ZNF445: variants seen among roughly 807,000 people sequenced by gnomAD.
ZNF445 encodes zinc finger protein 168.
In ZNF445, 19 loss-of-function variants were observed where a neutral mutation model predicts 93.9. That is an observed-to-expected ratio of 0.20 (90% confidence interval 0.14 to 0.30). ZNF445 has a LOEUF of 0.30. Among genes scored for constraint, ZNF445 ranks in the 10% least tolerant of loss-of-function variants. The pLI, the probability that ZNF445 is intolerant of heterozygous loss-of-function variation, is 1.00. For synonymous variants in ZNF445, 449 were observed against 446.3 expected (o/e 1.01, Z -0.08); for missense variants, 1,058 against 1,259.4 (o/e 0.84, Z 2.42).
rs1697660253 is a variant in ZNF445, at chr3:44,435,542, T to C, written c.*11033A>G. 2.0e-5 allele frequency: 3 copies of C among 152,246 alleles called. No individual in the cohort carries two copies. 9.4% of individuals were successfully genotyped at this position (152,246 alleles called of 1,614,324 possible). ...TGAGTAGGTGAGCTAAGTGGAGATG[T>C]GTTCCCGTCTTTGATGGTGGCACTA... On this transcript the variant is annotated 3_prime_UTR_variant, in exon 8 of 8. Coordinates refer to ENST00000396077, the MANE Select transcript of ZNF445 (RefSeq NM_181489.6).
In ZNF445 at chr3:44,433,995, GC is replaced by G. The variant is rs1050832659; in HGVS notation, c.*12579del. ...GAACTAGAGCTGAGACTCCCAGGCA[GC>G]CCCTTTGGAAAACAGTTTGGCATTT... is the stretch of plus-strand genomic sequence containing the variant. On this transcript the variant is annotated 3_prime_UTR_variant, in exon 8 of 8. Coordinates refer to ENST00000396077, the MANE Select transcript of ZNF445 (RefSeq NM_181489.6). 27 of 152,194 alleles carry G rather than the reference GC, an allele frequency of 1.8e-4. No homozygotes were observed. Among genetic ancestry groups the G allele is most frequent in the African/African-American group, 5.5e-4 (23 of 41,448 alleles). The allele number at this position is 152,194 out of a possible 1,614,324, so 9.4% of individuals were successfully genotyped here. A position where few individuals can be genotyped will look rare whatever the true frequency, so the allele number is the denominator to read the frequency against.
At chr3:44,469,729 A>G (rs1270185783) in intron 1 of ZNF445, among the ~76,000 whole-genome samples, 1 of 152,082 alleles carries the variant, frequency 6.6e-6, no homozygotes, top group African/African-American at 2.4e-5. Context: ...AGATCGTGCC[A>G]CTGCACTCCA....
chr3:44,455,418 C>T lies in ZNF445; in HGVS notation c.132G>A (p.Gln44=), dbSNP rs1698014385. 1 of 1,614,094 alleles carries T rather than the reference C, an allele frequency of 6.2e-7. No homozygotes were observed. The highest frequency in any genetic ancestry group is 8.5e-7 in the Non-Finnish European group (1 of 1,180,050). The part of the protein sequence containing the change: ...SYTPVQAARP[Q]TLNRPGQELF... ...GCTCCTGGCCAGGGCGGTTGAGAGT[C>T]TGTGGCCTGGCAGCCTGCACTGGAG... The change falls in exon 3 of 8, where the codon CAG becomes CAA. Residue 44 remains glutamine, a synonymous_variant. Coordinates refer to ENST00000396077, the MANE Select transcript of ZNF445 (RefSeq NM_181489.6).
intron 1 of ZNF445, among the ~76,000 whole-genome samples, chr3:44,460,185 C>T (rs764827800): frequency 8.5e-5 from 13 of 152,102 alleles, no homozygotes; most frequent in African/African-American, 1.9e-4. Flanking sequence ...AAAGTGAAAC[C>T]GCCTTTGCAA....
chr3:44,453,304 T>A (rs1174240406), intron 3 of ZNF445, among the ~76,000 whole-genome samples: 12 of 149,984 alleles, frequency 8.0e-5, no homozygotes, highest in East Asian at 2.0e-4. Flanking sequence ...TTTTTTTTAA[T>A]TTTTTTTTTA....
Position 44,448,148 on chromosome 3 carries a change from G to A in ZNF445, c.1523C>T (p.Thr508Ile). The change falls in exon 8 of 8, where the codon ACT becomes ATT. Residue 508 changes from threonine (T) to isoleucine (I), a missense_variant. Thr to Ile is a moderately conservative substitution (Grantham distance 89). Transcript: ENST00000396077. ...CCTACATTTAAATGCTTTCTCTTGA[G>A]TGTGAAGTCTCTGATGATACGCAAG... is the stretch of plus-strand genomic sequence containing the variant. ...SHLAYHQRLHTQEKAFKCRVC... is the reference protein window; with the variant it reads ...SHLAYHQRLHIQEKAFKCRVC... 1 of 1,614,160 alleles carries A rather than the reference G, an allele frequency of 6.2e-7. No individual in the cohort carries two copies. The highest frequency in any genetic ancestry group is 8.5e-7 in the Non-Finnish European group (1 of 1,180,032).
In ZNF445 at chr3:44,447,066, T is replaced by G; in HGVS notation, c.2605A>C (p.Lys869Gln). Reference sequence around the variant, plus strand: ...TAAGATTTCCCACATAGATTACATTTATAGCGCTTCTCTCCACTGTGTATT... The same window carrying G: ...TAAGATTTCCCACATAGATTACATTGATAGCGCTTCTCTCCACTGTGTATT... ...KGIHSGEKRY[K>Q]CNLCGKSYDR... Residue 869 changes from lysine to glutamine, a missense_variant, in exon 8 of 8, where the codon AAA becomes CAA. Physicochemically the swap from Lys to Gln is moderately conservative, Grantham distance 53. Coordinates refer to ENST00000396077, the MANE Select transcript of ZNF445 (RefSeq NM_181489.6). The surrounding 1 kb of genome is among the most constrained non-coding windows in gnomAD (Gnocchi z 4.7). The G allele has an allele frequency of 1.2e-6, 2 of 1,614,258 alleles. No individual in the cohort carries two copies. Among genetic ancestry groups the G allele is most frequent in the Non-Finnish European group, 1.7e-6 (2 of 1,180,044 alleles).
At chr3:44,477,490 CCGT>C (rs1698383988) in intron 1 of ZNF445, 98 bp downstream of exon 1, 1 of 152,160 alleles carries the variant, frequency 6.6e-6, no homozygotes, top group South Asian at 2.0e-4. Context: ...AGGCCGGGCC[CCGT>C]CCGCCGCCCG....
intron 1 of ZNF445, among the ~76,000 whole-genome samples, chr3:44,474,204 T>C (rs908722781): frequency 2.6e-5 from 4 of 152,178 alleles, no homozygotes; most frequent in East Asian, 3.9e-4. Flanking sequence ...TGCAACCAAA[T>C]TGAGGGACTT....
chr3:44,458,472 A>ATAATATATATATACACATAGG (rs1375216977), intron 1 of ZNF445, 108 bp from the exon 2 acceptor site: 1 of 152,144 alleles, frequency 6.6e-6, no homozygotes, highest in Non-Finnish European at 1.5e-5. Flanking sequence ...ATTGGTTTTT[A>ATAATATATATATACACATAGG]TCCATGGTTC....
intron 3 of ZNF445, among the ~76,000 whole-genome samples, chr3:44,453,205 C>G (rs1015135992): frequency 7.9e-5 from 12 of 151,966 alleles, no homozygotes; most frequent in Non-Finnish European, 1.5e-4. Context: ...GCCACCGCGC[C>G]AAGCTACAAC....
Position 44,475,536 on chromosome 3 carries a change from A to C in ZNF445, c.-269+2055T>G, listed in dbSNP as rs1295816607. On this transcript the variant is annotated intron_variant, in intron 1 of 7. Transcript: ENST00000396077. ...ATTAACTTGGTAAGTGGCTCTTAAAAATCGAGGACATTTAATACTGTCAAT... is the reference window on the plus strand; with the variant it reads ...ATTAACTTGGTAAGTGGCTCTTAAACATCGAGGACATTTAATACTGTCAAT... Among the ~76,000 whole-genome samples, 3 of 152,276 alleles carry C rather than the reference A, an allele frequency of 2.0e-5. No homozygotes were observed. In the East Asian group the frequency reaches 5.8e-4, roughly 29 times the overall value.
At chr3:44,473,453 TCACA>T (rs377305681) in intron 1 of ZNF445, among the ~76,000 whole-genome samples, 11,797 of 60,746 alleles carry the variant, frequency 0.19, 636 homozygotes, top group Middle Eastern at 0.23. Flanking sequence ...AAACTCCACT[TCACA>T]CACACACACA....
In ZNF445 at chr3:44,450,982, G is replaced by T; in HGVS notation, c.599-20C>A. ...GAGTATCTGAAGGAGAAAAAGCCAT[G>T]AGAGAGCGGCTCAGCTCTGGACAGC... is the stretch of plus-strand genomic sequence containing the variant. On this transcript the variant is annotated intron_variant, in intron 4 of 7. Transcript: ENST00000396077. 1 of 1,551,292 alleles carries T rather than the reference G, an allele frequency of 6.4e-7. No individual in the cohort carries two copies. The highest frequency in any genetic ancestry group is 8.7e-7 in the Non-Finnish European group (1 of 1,148,672).
Position 44,448,028 on chromosome 3 carries a change from T to C in ZNF445, c.1643A>G (p.Lys548Arg). ...VKPYKCDLCE[K>R]AFRRLSAYRL... ...GTAGGCTGACAGGCGTCGGAAAGCT[T>C]TCTCACATAAATCGCATTTATAAGG... The change falls in exon 8 of 8, where the codon AAA becomes AGA. Residue 548 changes from lysine (K) to arginine (R), a missense_variant. Physicochemically the swap from Lys to Arg is conservative, Grantham distance 26. Around this residue, in one of 3 missense-constraint regions of ZNF445, gnomAD observed 657 missense variants for 746.4 expected, o/e 0.88. Transcript: ENST00000396077. The C allele has an allele frequency of 6.2e-7, 1 of 1,611,646 alleles. No individual in the cohort carries two copies. Among genetic ancestry groups the C allele is most frequent in the Non-Finnish European group, 8.5e-7 (1 of 1,180,016 alleles).
At chr3:44,456,764 T>C (rs1173871851) in intron 2 of ZNF445, among the ~76,000 whole-genome samples, 3 of 152,152 alleles carry the variant, frequency 2.0e-5, no homozygotes, top group Non-Finnish European at 2.9e-5. Context: ...CAACAATGGG[T>C]TACAAATTAT....
chr3:44,472,207 C>G (rs1158611932), intron 1 of ZNF445, among the ~76,000 whole-genome samples: 1 of 152,172 alleles, frequency 6.6e-6, no homozygotes, highest in African/African-American at 2.4e-5. Flanking sequence ...AAGAAATGTA[C>G]CCAGTGAAAA....
chr3:44,462,461 C>A (rs936786140), intron 1 of ZNF445, among the ~76,000 whole-genome samples: 3 of 152,186 alleles, frequency 2.0e-5, no homozygotes, highest in Non-Finnish European at 4.4e-5. Flanking sequence ...ACAGTAGAAA[C>A]CGCTCATTGC....
intron 1 of ZNF445, among the ~76,000 whole-genome samples, chr3:44,473,453 T>TCTCACA (rs1491338197): frequency 3.3e-4 from 20 of 60,862 alleles, no homozygotes; most frequent in African/African-American, 1.6e-3. Context: ...AAACTCCACT[T>TCTCACA]CACACACACA....
Sources: allele counts gnomAD v4.1 joint callset (sites outside exome capture counted in the v4.1 genomes callset), GRCh38; gene constraint gnomAD v4.1.1; regional missense constraint gnomAD v4.1.1; non-coding constraint Gnocchi (gnomAD v3.1); transcripts MANE v1.5; gene names NCBI Gene and HGNC (gene_info 2026-07-23, HGNC 2026-07-21).